ZNF148: variants seen among roughly 807,000 people sequenced by gnomAD.
ZNF148 encodes the protein Beta-Enolase Repressor Factor-1.
A neutral mutation model predicts 67.7 loss-of-function variants in ZNF148; 7 were observed. That is an observed-to-expected ratio of 0.10 (90% confidence interval 0.06 to 0.19). The LOEUF (loss-of-function observed/expected upper bound fraction) is 0.19. Among genes scored for constraint, ZNF148 ranks in the 10% least tolerant of loss-of-function variants. The probability of loss-of-function intolerance (pLI) is 1.00; values close to 1 mark genes in which losing one functional copy is unlikely to be tolerated. For synonymous variants in ZNF148, 333 were observed against 330.7 expected, an observed-to-expected ratio of 1.01 and a Z score of -0.08; for missense variants, 583 against 947.1, an observed-to-expected ratio of 0.62 and a Z score of 5.05.
At chr3:125,244,396 C>T (rs1936502920) in intron 7 of ZNF148, among the ~76,000 whole-genome samples, 1 of 152,198 alleles carries the variant, frequency 6.6e-6, no homozygotes, top group Admixed American at 6.5e-5. Context: ...TTTCCCTCTT[C>T]AAACCATTCC....
At chr3:125,341,485 G>A (rs535563033) in intron 1 of ZNF148, among the ~76,000 whole-genome samples, 19 of 152,206 alleles carry the variant, frequency 1.2e-4, no homozygotes, top group Admixed American at 3.3e-4. Flanking sequence ...ACTGGGCATG[G>A]TGGCACACAC....
intron 7 of ZNF148, among the ~76,000 whole-genome samples, chr3:125,258,265 T>C (rs908583147): frequency 8.6e-5 from 13 of 151,412 alleles, no homozygotes; most frequent in African/African-American, 2.7e-4. Flanking sequence ...TACTAAAAAA[T>C]ACAAAAAAAA....
At chr3:125,234,596 T>C (rs1935999833) in intron 7 of ZNF148, among the ~76,000 whole-genome samples, 1 of 152,208 alleles carries the variant, frequency 6.6e-6, no homozygotes, top group African/African-American at 2.4e-5. Flanking sequence ...GTGCCAGGAA[T>C]TTATAGCAAT....
At position 125,228,610 on chromosome 3, in the gene ZNF148, T is replaced by G. The variant is rs1321073013; in HGVS notation, c.*3731A>C. 6.6e-6 allele frequency: 1 copy of G among 152,566 alleles called. No individual in the cohort carries two copies. Among genetic ancestry groups the G allele is most frequent in the African/African-American group, 2.4e-5 (1 of 41,438 alleles). 9.5% of individuals were successfully genotyped at this position (152,566 alleles called of 1,614,324 possible). A position where few individuals can be genotyped will look rare whatever the true frequency, so the allele number is the denominator to read the frequency against. ...TGATTTGTTTGTACATATTTACAGA[T>G]TCTTAAAAACAAGCTGTAAAAACAT... On this transcript the variant is annotated 3_prime_UTR_variant, in exon 9 of 9. Transcript: ENST00000360647.
At chr3:125,338,372 C>A (rs1403490420) in intron 1 of ZNF148, among the ~76,000 whole-genome samples, 2 of 152,152 alleles carry the variant, frequency 1.3e-5, no homozygotes, top group East Asian at 3.9e-4. Context: ...CATAAAGTTA[C>A]TGTAATAATG....
chr3:125,271,348 C>G (rs1937723653), intron 7 of ZNF148, among the ~76,000 whole-genome samples: 1 of 152,176 alleles, frequency 6.6e-6, no homozygotes, highest in Non-Finnish European at 1.5e-5. Context: ...ATTGTGAAAT[C>G]CGGTCTTACC....
At chr3:125,299,945 T>C (rs1339572740) in intron 4 of ZNF148, among the ~76,000 whole-genome samples, 1 of 152,202 alleles carries the variant, frequency 6.6e-6, no homozygotes, top group Admixed American at 6.5e-5. Flanking sequence ...AATAATACGC[T>C]GACGTAAAAA....
In ZNF148 at chr3:125,277,127, A is replaced by G. The variant is rs1938117920; in HGVS notation, c.667+599T>C. On this transcript the variant is annotated intron_variant, in intron 7 of 8. Transcript: ENST00000360647. ...GCAACAAAGGCAAAGTCAACAGACT[A>G]CTAAATCAAAGTTACTTATAAAAGT... 2.0e-5 allele frequency among the ~76,000 whole-genome samples: 3 copies of G among 152,380 alleles called. No homozygotes were observed. In the South Asian group the frequency reaches 6.2e-4, roughly 32 times the overall value.
chr3:125,289,284 T>C (rs962357348), intron 4 of ZNF148, among the ~76,000 whole-genome samples: 1 of 152,198 alleles, frequency 6.6e-6, no homozygotes, highest in Non-Finnish European at 1.5e-5. Flanking sequence ...AACAGCTATG[T>C]AGAAGAGGTT....
chr3:125,326,888 T>A (rs958847500), intron 2 of ZNF148, among the ~76,000 whole-genome samples: 1 of 149,578 alleles, frequency 6.7e-6, no homozygotes, highest in African/African-American at 2.4e-5. Context: ...TGTGTGTGTG[T>A]AGCAGATACC....
At chr3:125,325,490 G>C (rs954237355) in intron 2 of ZNF148, among the ~76,000 whole-genome samples, 1 of 151,710 alleles carries the variant, frequency 6.6e-6, no homozygotes, top group Non-Finnish European at 1.5e-5. Flanking sequence ...TTTTGAGACA[G>C]AGTCTCACTC....
chr3:125,342,354 GACAAAAAA>G (rs1941764969), intron 1 of ZNF148, among the ~76,000 whole-genome samples: 1 of 45,596 alleles, frequency 2.2e-5, no homozygotes, highest in Non-Finnish European at 4.2e-5. Flanking sequence ...AAAAAAAAAA[GACAAAAAA>G]AAAACCTTGA....
intron 2 of ZNF148, among the ~76,000 whole-genome samples, chr3:125,325,082 A>G (rs1279837582): frequency 6.6e-6 from 1 of 152,208 alleles, no homozygotes; most frequent in Non-Finnish European, 1.5e-5. Flanking sequence ...CATATGTTAA[A>G]TATGTTAAAA....
In ZNF148 at chr3:125,229,122, T is replaced by C. The variant is rs2107821110; in HGVS notation, c.*3219A>G. ...ATAGTGCTTCTTCAAGTAAATATAC[T>C]GTGAAAAAAAAATGAGTTCTAGTTT... On this transcript the variant is annotated 3_prime_UTR_variant, in exon 9 of 9. Coordinates refer to ENST00000360647, the MANE Select transcript of ZNF148 (RefSeq NM_021964.3). The C allele has an allele frequency of 1.3e-5, 2 of 152,114 alleles. No homozygotes were observed. The highest frequency in any genetic ancestry group is 4.2e-4 in the South Asian group (2 of 4,806). The allele number at this position is 152,114 out of a possible 1,614,324, so 9.4% of individuals were successfully genotyped here.
intron 7 of ZNF148, among the ~76,000 whole-genome samples, chr3:125,276,673 A>G (rs1404148075): frequency 6.6e-6 from 1 of 152,054 alleles, no homozygotes. Context: ...ACCTCAAGTG[A>G]TCCGCCCACC....
At chr3:125,356,832 T>C (rs1942358732) in intron 1 of ZNF148, 1 of 152,236 alleles carries the variant, frequency 6.6e-6, no homozygotes, top group Admixed American at 6.5e-5. Flanking sequence ...AGCAAAAGTT[T>C]GCCCCACAGC....
intron 7 of ZNF148, among the ~76,000 whole-genome samples, chr3:125,269,205 CAAAAAAAAA>C (rs71148173): frequency 1.0e-5 from 1 of 96,872 alleles, no homozygotes; most frequent in Non-Finnish European, 1.9e-5. Context: ...CGGTCTCTAC[CAAAAAAAAA>C]AAAAAAAAAA....
At chr3:125,267,348 A>G (rs952841153) in intron 7 of ZNF148, among the ~76,000 whole-genome samples, 1 of 152,194 alleles carries the variant, frequency 6.6e-6, no homozygotes, top group Non-Finnish European at 1.5e-5. Flanking sequence ...TGAATCTAGG[A>G]GCACACCAAA....
At chr3:125,247,367 T>A (rs1036789514) in intron 7 of ZNF148, among the ~76,000 whole-genome samples, 13 of 152,214 alleles carry the variant, frequency 8.5e-5, no homozygotes, top group African/African-American at 2.9e-4. Context: ...AAATTACACA[T>A]TTATATACAC....
Sources: gnomAD v4.1 joint callset for allele counts (sites outside exome capture counted in the v4.1 genomes callset) on GRCh38, gnomAD v4.1.1 for gene constraint, MANE v1.5 for transcripts, NCBI Gene and HGNC (gene_info 2026-07-23, HGNC 2026-07-21) for gene names.